TRRAP: variants seen among roughly 807,000 people sequenced by gnomAD.
TRRAP encodes transformation/transcription domain-associated protein.
A neutral mutation model predicts 438.8 loss-of-function variants in TRRAP; 41 were observed. The ratio of observed to expected loss-of-function variants is 0.09; its 90% CI spans 0.07 to 0.12. The LOEUF (loss-of-function observed/expected upper bound fraction) is 0.12. TRRAP is among the 10% of genes least tolerant of loss of function. TRRAP has a pLI of 1.00. For synonymous variants in TRRAP, 1,994 were observed against 1,962.9 expected (o/e 1.02, Z -0.42); for missense variants, 3,122 against 5,055.1 (o/e 0.62, Z 11.60).
rs1164389353 is a variant in TRRAP, at chr7:98,993,662, C to T, written c.9972C>T (p.Leu3324=). ...GAATCATGCACATGCAGCGAGAGCT[C>T]CACCCCACCCTTCTGTCTTCCCTGG... ...CSRIMHMQRE[L]HPTLLSSLEG... is the part of the protein sequence containing the mutation. The change falls in exon 66 of 73, where the codon CTC becomes CTT. Residue 3324 remains leucine, a synonymous_variant. Transcript: ENST00000456197. 3 of 1,614,082 alleles carry T rather than the reference C, an allele frequency of 1.9e-6. No homozygotes were observed. In the African/African-American group the frequency reaches 4.0e-5, roughly 22 times the overall value.
chr7:98,980,912 T>G (rs1028523116), intron 58 of TRRAP, among the ~76,000 whole-genome samples: 2 of 151,898 alleles, frequency 1.3e-5, no homozygotes, highest in Non-Finnish European at 2.9e-5. Flanking sequence ...AAAATTAGCC[T>G]GGTGTGGGGT....
At chr7:99,004,132 G>A in intron 67 of TRRAP, 58 bp from the exon 68 acceptor site, 2 of 1,490,334 alleles carry the variant, frequency 1.3e-6, no homozygotes, top group Non-Finnish European at 1.8e-6. Context: ...GTTTTTTGCA[G>A]TGTGTTAGAA....
In TRRAP at chr7:98,956,102, C is replaced by G. The variant is rs1278954556; in HGVS notation, c.5938-44C>G. On this transcript the variant is annotated intron_variant, in intron 41 of 72. Transcript: ENST00000456197. The surrounding 1 kb of genome is among the most constrained non-coding windows in gnomAD (Gnocchi z 4.5). ...GCGCACACGTGCATGCACTGTGGGA[C>G]CAAGCTCCCATGTTCCGGCGTGATG... 6.7e-7 allele frequency: 1 copy of G among 1,482,432 alleles called. No individual in the cohort carries two copies. The highest frequency in any genetic ancestry group is 2.2e-5 in the African/African-American group (1 of 46,022). 91.8% of individuals were successfully genotyped at this position (1,482,432 alleles called of 1,614,324 possible).
At chr7:99,007,751 C>T (rs1392578314) in intron 69 of TRRAP, among the ~76,000 whole-genome samples, 1 of 151,924 alleles carries the variant, frequency 6.6e-6, no homozygotes, top group Non-Finnish European at 1.5e-5. Flanking sequence ...TGGGCTCAAG[C>T]GATTCTCCCA....
At chr7:98,892,734 T>G (rs1379130006) in intron 5 of TRRAP, among the ~76,000 whole-genome samples, 2 of 152,226 alleles carry the variant, frequency 1.3e-5, no homozygotes, top group South Asian at 4.1e-4. Flanking sequence ...TTTGAGTTAC[T>G]GAGGAATTGG....
At chr7:98,902,822 C>T (rs1433700089) in intron 11 of TRRAP, among the ~76,000 whole-genome samples, 1 of 149,872 alleles carries the variant, frequency 6.7e-6, no homozygotes, top group Non-Finnish European at 1.5e-5. Flanking sequence ...CATGGTGGCT[C>T]ATGCCTATAA....
At chr7:98,935,145 A>T (rs1790502164) in intron 27 of TRRAP, among the ~76,000 whole-genome samples, 1 of 152,232 alleles carries the variant, frequency 6.6e-6, no homozygotes, top group Non-Finnish European at 1.5e-5. Flanking sequence ...CTTGAAAAAA[A>T]AAAGTGTGTT....
At chr7:98,989,419 A>G (rs1793291264) in intron 63 of TRRAP, among the ~76,000 whole-genome samples, 1 of 152,236 alleles carries the variant, frequency 6.6e-6, no homozygotes, top group Non-Finnish European at 1.5e-5. Flanking sequence ...GGTGTCACCC[A>G]CGTGCTCACT....
rs782729256 is a variant in TRRAP at position 98,921,803 on chromosome 7, C to G, written c.2673C>G (p.Ala891=). 4 of 1,614,236 alleles carry G rather than the reference C, an allele frequency of 2.5e-6. No individual in the cohort carries two copies. Among genetic ancestry groups the G allele is most frequent in the Non-Finnish European group, 3.4e-6 (4 of 1,180,050 alleles). The change falls in exon 21 of 73, where the codon GCC becomes GCG. Residue 891 remains alanine (A), a synonymous_variant. Transcript: ENST00000456197. ...RNPADSISHV[A]YRVLGKFGGS... is the part of the protein sequence containing the mutation. Reference sequence around the variant, plus strand: ...CTGCTGACAGCATCTCCCACGTGGCCTACCGTGTGCTCGGTAAGTTTGGCG... The same window carrying G: ...CTGCTGACAGCATCTCCCACGTGGCGTACCGTGTGCTCGGTAAGTTTGGCG...
intron 33 of TRRAP, 69 bp downstream of exon 33, chr7:98,946,019 G>C: frequency 7.3e-7 from 1 of 1,361,326 alleles, no homozygotes; most frequent in Non-Finnish European, 9.5e-7. Context: ...CTCGTTAGCT[G>C]TGTCGTGGTT....
chr7:98,993,637 G>A lies in TRRAP; in HGVS notation c.9947G>A (p.Arg3316Gln), dbSNP rs757171576. The A allele has an allele frequency of 6.2e-7, 1 of 1,614,214 alleles. No individual in the cohort carries two copies. The highest frequency in any genetic ancestry group is 2.2e-5 in the East Asian group (1 of 44,878). ...RATAPMWRCS[R>Q]IMHMQRELHP... ...ACAGCACCCATGTGGCGCTGCAGCC[G>A]AATCATGCACATGCAGCGAGAGCTC... Residue 3316 changes from arginine to glutamine, a missense_variant, in exon 66 of 73, where the codon CGA (arginine) becomes CAA (glutamine). This residue lies in a region of TRRAP where 107 missense variants were observed against 327.5 expected (regional missense o/e 0.33). Coordinates refer to ENST00000456197, the MANE Select transcript of TRRAP (RefSeq NM_001375524.1).
At chr7:98,933,010 T>TA (rs1466118964) in intron 26 of TRRAP, among the ~76,000 whole-genome samples, 5 of 150,070 alleles carry the variant, frequency 3.3e-5, no homozygotes, top group Admixed American at 6.7e-5. Context: ...TGTTTTGGAT[T>TA]TTTTTTTTTT....
Position 98,925,274 on chromosome 7 carries a change from C to T in TRRAP, c.2975+11C>T. 6.2e-7 allele frequency: 1 copy of T among 1,612,510 alleles called. No individual in the cohort carries two copies. Among genetic ancestry groups the T allele is most frequent in the Non-Finnish European group, 8.5e-7 (1 of 1,179,270 alleles). On this transcript the variant is annotated intron_variant, in intron 22 of 72. Coordinates refer to ENST00000456197, the MANE Select transcript of TRRAP (RefSeq NM_001375524.1). ...CCTGGCACACCCCAAGTATGTCGGC[C>T]ACTTCCTTCTGTGTGGTTGGGTGGA...
At chr7:98,939,451 C>T (rs1790697366) in intron 30 of TRRAP, among the ~76,000 whole-genome samples, 1 of 152,166 alleles carries the variant, frequency 6.6e-6, no homozygotes, top group African/African-American at 2.4e-5. Flanking sequence ...CTAGTTTCTT[C>T]ATATCTACAA....
chr7:98,945,716 G>A, intron 31 of TRRAP, 31 bp from the exon 32 acceptor site: 2 of 1,595,976 alleles, frequency 1.3e-6, no homozygotes, highest in South Asian at 1.1e-5. Context: ...AACATAAATA[G>A]AAAAAAGATG....
chr7:98,949,884 C>A, intron 37 of TRRAP, 43 bp downstream of exon 37: 1 of 1,590,604 alleles, frequency 6.3e-7, no homozygotes, highest in Non-Finnish European at 8.6e-7. Context: ...CTGGCTCTGT[C>A]CCAAAAGCTC....
At position 98,935,380 on chromosome 7, in the gene TRRAP, C is replaced by G. The variant is rs1790514216; in HGVS notation, c.4015-199C>G. 5.9e-5 allele frequency among the ~76,000 whole-genome samples: 9 copies of G among 152,264 alleles called. No individual in the cohort carries two copies. The South Asian group carries it at 1.9e-3, about 32-fold the overall frequency. On this transcript the variant is annotated intron_variant, in intron 27 of 72. Coordinates refer to ENST00000456197, the MANE Select transcript of TRRAP (RefSeq NM_001375524.1). Reference sequence around the variant, plus strand: ...GTGAGAAAGTGTCTAAGAATTCTTTCCACTAATGAAGTAAACTGAGTTTTG... The same window carrying G: ...GTGAGAAAGTGTCTAAGAATTCTTTGCACTAATGAAGTAAACTGAGTTTTG...
At chr7:99,008,307 C>CT (rs1794284040) in intron 69 of TRRAP, 70 bp from the exon 70 acceptor site, 1 of 1,515,694 alleles carries the variant, frequency 6.6e-7, no homozygotes, top group Non-Finnish European at 9.0e-7. Flanking sequence ...CAGTGGCACT[C>CT]TGACGGTGGA....
intron 3 of TRRAP, among the ~76,000 whole-genome samples, chr7:98,887,248 A>G (rs968073252): frequency 1.3e-5 from 2 of 152,146 alleles, no homozygotes; most frequent in African/African-American, 4.8e-5. Context: ...TGAAATGCAG[A>G]TATTTGAAAG....
Sources: gnomAD v4.1 joint callset for allele counts (sites outside exome capture counted in the v4.1 genomes callset) on GRCh38, gnomAD v4.1.1 for gene constraint, gnomAD v4.1.1 regional missense constraint, Gnocchi (gnomAD v3.1) non-coding constraint, MANE v1.5 for transcripts, NCBI Gene and HGNC (gene_info 2026-07-23, HGNC 2026-07-21) for gene names.